DCTN5: variants seen among roughly 807,000 people sequenced by gnomAD.
DCTN5 encodes the protein dynactin subunit 5, also known as dynactin 4.
Under a neutral mutation model 23.5 loss-of-function variants are expected in DCTN5, and 14 were observed. The observed-to-expected ratio is 0.60, with a 90% CI of 0.39 to 0.93. The LOEUF is 0.93. Among genes scored for constraint, DCTN5 ranks in the 40% least tolerant of loss-of-function variants. The pLI is 0.00. For synonymous variants in DCTN5, 67 were observed against 79.6 expected, an observed-to-expected ratio of 0.84 and a Z score of 0.84; for missense variants, 156 against 225.9, an observed-to-expected ratio of 0.69 and a Z score of 1.98.
At chr16:23,666,411 G>C (rs553205146) in intron 5 of DCTN5, 1 of 153,294 alleles carries the variant, frequency 6.5e-6, no homozygotes, top group East Asian at 1.9e-4. Context: ...CACAAGTAAA[G>C]CCCATCAGGA....
intron 2 of DCTN5, among the ~76,000 whole-genome samples, chr16:23,655,298 A>G (rs1439767564): frequency 6.6e-6 from 1 of 152,172 alleles, no homozygotes; most frequent in African/African-American, 2.4e-5. Context: ...TTTTTGCTTC[A>G]TCTCTAAACT....
At chr16:23,660,833 C>G (rs146026898) in intron 3 of DCTN5, among the ~76,000 whole-genome samples, 1 of 152,208 alleles carries the variant, frequency 6.6e-6, no homozygotes, top group African/African-American at 2.4e-5. Flanking sequence ...GGGCAGGTTA[C>G]TAAAAATGTG....
In DCTN5 at chr16:23,655,901, AGT is replaced by A. The variant is rs973779219; in HGVS notation, c.118-2601_118-2600del. Among the ~76,000 whole-genome samples the A allele has an allele frequency of 9.9e-5, 15 of 152,142 alleles. No individual in the cohort carries two copies. The South Asian group carries it at 3.1e-3, about 31-fold the overall frequency. On this transcript the variant is annotated intron_variant, in intron 2 of 5. Transcript: ENST00000300087. ...ATATTATTTCACCCACAAATACTTC[AGT>A]GTGTCTTACTAATTCTTAAGGACTT...
At chr16:23,665,773 C>A in intron 5 of DCTN5, 45 bp downstream of exon 5, 2 of 1,512,280 alleles carry the variant, frequency 1.3e-6, no homozygotes, top group South Asian at 1.2e-5. Context: ...TCCTAAAACT[C>A]AGTTGTATTT....
At chr16:23,662,274 A>C (rs1001031275) in intron 4 of DCTN5, among the ~76,000 whole-genome samples, 2 of 152,138 alleles carry the variant, frequency 1.3e-5, no homozygotes, top group Non-Finnish European at 2.9e-5. Flanking sequence ...ATGCGTAAGG[A>C]AGGGTTCAAG....
rs1042519734 is a variant in DCTN5, at chr16:23,668,900, T to C, written c.*1756T>C. ...CCTCTTGGATCAGTCACTGTGGCCA[T>C]GCATGTTTGGCCACATGATTAATCC... On this transcript the variant is annotated 3_prime_UTR_variant, in exon 6 of 6. Transcript: ENST00000300087. 4.6e-5 allele frequency: 7 copies of C among 152,502 alleles called. No individual in the cohort carries two copies. Among genetic ancestry groups the C allele is most frequent in the African/African-American group, 1.4e-4 (6 of 41,468 alleles). The allele number at this position is 152,502 out of a possible 1,614,324, so 9.4% of individuals were successfully genotyped here. A position where few individuals can be genotyped will look rare whatever the true frequency, so the allele number is the denominator to read the frequency against.
chr16:23,650,553 T>A (rs1967581136), intron 2 of DCTN5, among the ~76,000 whole-genome samples: 1 of 151,266 alleles, frequency 6.6e-6, no homozygotes, highest in East Asian at 1.9e-4. Flanking sequence ...CTTGAACTCC[T>A]GACCTCAGGT....
At chr16:23,656,662 T>C (rs977470047) in intron 2 of DCTN5, among the ~76,000 whole-genome samples, 1 of 151,950 alleles carries the variant, frequency 6.6e-6, no homozygotes, top group African/African-American at 2.4e-5. Context: ...TTTATATATT[T>C]TTACTATTTA....
At chr16:23,649,737 C>T (rs940259487) in intron 2 of DCTN5, among the ~76,000 whole-genome samples, 3 of 149,984 alleles carry the variant, frequency 2.0e-5, no homozygotes, top group African/African-American at 4.9e-5. Flanking sequence ...ACTCAGGAGG[C>T]TGAGGCATGA....
At chr16:23,660,183 C>T (rs2140984285) in intron 3 of DCTN5, among the ~76,000 whole-genome samples, 1 of 152,132 alleles carries the variant, frequency 6.6e-6, no homozygotes, top group East Asian at 1.9e-4. Flanking sequence ...AGGTACAGAC[C>T]AAAAATACTA....
In DCTN5 at chr16:23,641,490, A is replaced by G. The variant is rs1017776612; in HGVS notation, c.-53A>G. 1.2e-6 allele frequency: 2 copies of G among 1,610,428 alleles called. No homozygotes were observed. Among genetic ancestry groups the G allele is most frequent in the Non-Finnish European group, 1.7e-6 (2 of 1,177,260 alleles). ...CGGAAGTAGCCGGAATCTCTGAAAG[A>G]CTGACCGACTGACTCTGACAGGATC... On this transcript the variant is annotated 5_prime_UTR_variant, in exon 1 of 6. Coordinates refer to ENST00000300087, the MANE Select transcript of DCTN5 (RefSeq NM_032486.4).
chr16:23,645,947 A>G (rs1022609441), intron 2 of DCTN5, among the ~76,000 whole-genome samples: 4 of 152,304 alleles, frequency 2.6e-5, no homozygotes, highest in South Asian at 2.1e-4. Context: ...GGTATATACA[A>G]AAGAGCGTGA....
intron 2 of DCTN5, among the ~76,000 whole-genome samples, chr16:23,654,527 G>A (rs1967664151): frequency 6.6e-6 from 1 of 152,126 alleles, no homozygotes; most frequent in African/African-American, 2.4e-5. Context: ...ATACCTGGGT[G>A]ATGAAATAAT....
chr16:23,665,031 G>C (rs943010542), intron 4 of DCTN5, among the ~76,000 whole-genome samples: 4 of 152,166 alleles, frequency 2.6e-5, no homozygotes, highest in African/African-American at 9.7e-5. Context: ...CTCCCAGGCA[G>C]GTTCTTCCTT....
At chr16:23,642,399 G>A (rs532551926) in intron 1 of DCTN5, among the ~76,000 whole-genome samples, 1 of 152,346 alleles carries the variant, frequency 6.6e-6, no homozygotes, top group East Asian at 1.9e-4. Flanking sequence ...ACGCGTGGAA[G>A]TGGGATTTGA....
In DCTN5 at chr16:23,642,044, G is replaced by A. The variant is rs1401471933; in HGVS notation, c.48+454G>A. Among the ~76,000 whole-genome samples, 3 of 152,128 alleles carry A rather than the reference G, an allele frequency of 2.0e-5. No homozygotes were observed. The East Asian group carries it at 5.8e-4, about 29-fold the overall frequency. On this transcript the variant is annotated intron_variant, in intron 1 of 5. Coordinates refer to ENST00000300087, the MANE Select transcript of DCTN5 (RefSeq NM_032486.4). ...CCTCCCGGGTTCAAGCGATTCTCCT[G>A]CCTCAGCGTCTCGAGTAGCTGGGAT...
chr16:23,661,471 C>T (rs1410104857), intron 4 of DCTN5, among the ~76,000 whole-genome samples, 190 bp downstream of exon 4: 2 of 152,002 alleles, frequency 1.3e-5, no homozygotes, highest in African/African-American at 4.8e-5. Context: ...GTAATCCCAG[C>T]TTTTTGGGAG....
intron 2 of DCTN5, chr16:23,650,966 C>T (rs7201848): frequency 0.025 from 34,567 of 1,391,520 alleles, 1,337 homozygotes; most frequent in African/African-American, 0.16. Context: ...CTTTCCAGAG[C>T]GTCTGATTCT....
At chr16:23,658,460 G>T (rs376920212) in intron 2 of DCTN5, 47 bp from the exon 3 acceptor site, 15 of 1,241,870 alleles carry the variant, frequency 1.2e-5, no homozygotes, top group Admixed American at 1.2e-4. Context: ...TTTTTGTTAC[G>T]TCTTAGGCTA....
Sources: gnomAD v4.1 joint callset for allele counts (sites outside exome capture counted in the v4.1 genomes callset) on GRCh38, gnomAD v4.1.1 for gene constraint, MANE v1.5 for transcripts, NCBI Gene and HGNC (gene_info 2026-07-23, HGNC 2026-07-21) for gene names.